Variants in LIFR observed in about 807,000 individuals in gnomAD.
The protein encoded by LIFR is LIF receptor subunit alpha.
A neutral mutation model predicts 122.2 loss-of-function variants in LIFR; 84 were observed. The observed-to-expected ratio is 0.69, with a 90% CI of 0.58 to 0.82. The LOEUF is 0.82. Ranked by LOEUF, LIFR falls within the 40% of genes least tolerant of loss-of-function variation. The pLI is 0.00. For synonymous variants in LIFR, 422 were observed against 434.7 expected (o/e 0.97, Z 0.36); for missense variants, 1,294 against 1,311.6 (o/e 0.99, Z 0.21).
chr5:38,520,443 G>A (rs936942917), intron 5 of LIFR, among the ~76,000 whole-genome samples: 1 of 152,160 alleles, frequency 6.6e-6, no homozygotes, highest in Non-Finnish European at 1.5e-5. Flanking sequence ...CCACTGTTGT[G>A]CAGAAGCTTT....
At position 38,555,691 on chromosome 5, in the gene LIFR, T is replaced by C. The variant is rs74349709; in HGVS notation, c.-20+643A>G. 8.0e-3 allele frequency among the ~76,000 whole-genome samples: 1,131 copies of C among 140,710 alleles called. 9 individuals are homozygous for C. Among genetic ancestry groups the C allele is most frequent in the African/African-American group, 0.023 (902 of 39,426 alleles). The allele number at this position is 140,710 out of a possible 152,430, so 92.3% of individuals were successfully genotyped here. A position where few individuals can be genotyped will look rare whatever the true frequency, so the allele number is the denominator to read the frequency against. On this transcript the variant is annotated intron_variant, in intron 1 of 19. Coordinates refer to ENST00000453190, the MANE Select transcript of LIFR (RefSeq NM_001127671.2). ...ACCCAACTGCAAATAAAAGACCTCA[T>C]ATATTTTTGGTAGCGGAATGTGGGG...
Position 38,506,576 on chromosome 5 carries a change from T to A in LIFR, c.1048A>T (p.Ile350Leu). ...NCETHDLKEIICSWNPGRVTA... is the reference protein window; with the variant it reads ...NCETHDLKEILCSWNPGRVTA... ...ACCCTTCCTGGATTCCAACTACATA[T>A]AATTTCTTTTAAATCATGTGTCTCA... Residue 350 changes from isoleucine (I) to leucine (L), a missense_variant, in exon 8 of 20, where the codon ATA (isoleucine) becomes TTA (leucine). Physicochemically the swap from Ile to Leu is conservative, Grantham distance 5. Transcript: ENST00000453190. 1 of 1,613,706 alleles carries A rather than the reference T, an allele frequency of 6.2e-7. No homozygotes were observed. The highest frequency in any genetic ancestry group is 1.3e-5 in the African/African-American group (1 of 75,028).
upstream of LIFR, among the ~76,000 whole-genome samples, chr5:38,600,302 G>A (rs1002735190): frequency 2.6e-5 from 4 of 152,136 alleles, no homozygotes; most frequent in East Asian, 7.7e-4. Context: ...ATATTCTCAG[G>A]ATCTTCTGAG....
chr5:38,500,593 TG>T (rs960795098), intron 11 of LIFR, among the ~76,000 whole-genome samples: 4 of 152,252 alleles, frequency 2.6e-5, no homozygotes, highest in Non-Finnish European at 5.9e-5. Context: ...CAAAAAGTTT[TG>T]GATCTTGGAG....
At chr5:38,521,324 G>T (rs1746385287) in intron 5 of LIFR, among the ~76,000 whole-genome samples, 1 of 152,064 alleles carries the variant, frequency 6.6e-6, no homozygotes, top group Non-Finnish European at 1.5e-5. Context: ...TTTTTTGGGG[G>T]AGTCTTTACA....
chr5:38,500,916 G>C (rs1013689114), intron 11 of LIFR, among the ~76,000 whole-genome samples: 1 of 152,150 alleles, frequency 6.6e-6, no homozygotes, highest in African/African-American at 2.4e-5. Flanking sequence ...GCTCTGGGAG[G>C]AACTGGCTGC....
At chr5:38,570,082 C>T (rs976558500) in intron 1 of LIFR, among the ~76,000 whole-genome samples, 15 of 152,108 alleles carry the variant, frequency 9.9e-5, no homozygotes, top group African/African-American at 3.4e-4. Flanking sequence ...ATCTTGATTC[C>T]TCACCATTTA....
rs137920910 is a variant in LIFR at position 38,499,732 on chromosome 5, T to A, written c.1601-149A>T. 1,289 of 688,632 alleles carry A rather than the reference T, an allele frequency of 1.9e-3. 27 individuals are homozygous for A. The highest frequency in any genetic ancestry group is 0.013 in the South Asian group (779 of 58,990). The allele number at this position is 688,632 out of a possible 1,614,324, so 42.7% of individuals were successfully genotyped here. On this transcript the variant is annotated intron_variant, in intron 11 of 19. Transcript: ENST00000453190. Reference sequence around the variant, plus strand: ...TTAGAAAATGAAGCAATGGAAAATCTAAGCTCTCAACAACTTTTGCAAAAC... The same window carrying A: ...TTAGAAAATGAAGCAATGGAAAATCAAAGCTCTCAACAACTTTTGCAAAAC...
At chr5:38,547,492 T>A (rs1486104114) in intron 1 of LIFR, among the ~76,000 whole-genome samples, 2 of 152,198 alleles carry the variant, frequency 1.3e-5, no homozygotes, top group Non-Finnish European at 2.9e-5. Flanking sequence ...TTCTTTTTTT[T>A]ATTTGGCCGT....
intron 5 of LIFR, among the ~76,000 whole-genome samples, chr5:38,513,079 A>C (rs1262523240): frequency 1.3e-5 from 2 of 152,224 alleles, no homozygotes; most frequent in Non-Finnish European, 2.9e-5. Flanking sequence ...AGGCAAACAC[A>C]ATAGATTAAA....
At chr5:38,499,622 T>C (rs767393262) in intron 11 of LIFR, 39 bp from the exon 12 acceptor site, 19 of 1,346,760 alleles carry the variant, frequency 1.4e-5, no homozygotes, top group Non-Finnish European at 2.0e-5. Flanking sequence ...TGAAGACACA[T>C]ACTATATGTA....
chr5:38,600,901 C>G (rs567031774), intron 2 of LIFR, among the ~76,000 whole-genome samples: 9 of 152,104 alleles, frequency 5.9e-5, no homozygotes, highest in African/African-American at 9.7e-5. Context: ...AACAATGTGG[C>G]CAGCAGCCCT....
chr5:38,527,033 G>T, intron 4 of LIFR, 122 bp downstream of exon 4: 1 of 846,734 alleles, frequency 1.2e-6, no homozygotes, highest in Non-Finnish European at 1.8e-6. Flanking sequence ...TTCATAGGGA[G>T]GTTGCTGAGT....
intron 5 of LIFR, among the ~76,000 whole-genome samples, chr5:38,513,891 G>A (rs867544627): frequency 4.6e-5 from 7 of 151,804 alleles, no homozygotes; most frequent in Admixed American, 1.3e-4. Context: ...ATTCTAATAC[G>A]AAAGTCAATA....
At chr5:38,604,279 GAGAAAGGGGCAAGGCAGC>G (rs1750280575) in intron 2 of LIFR, among the ~76,000 whole-genome samples, 1 of 152,280 alleles carries the variant, frequency 6.6e-6, no homozygotes, top group Middle Eastern at 3.4e-3. Flanking sequence ...CTGTGGAGAG[GAGAAAGGGGCAAGGCAGC>G]AGAAAGGGGC....
At chr5:38,556,055 C>G (rs1360132642) in intron 1 of LIFR, among the ~76,000 whole-genome samples, 1 of 152,168 alleles carries the variant, frequency 6.6e-6, no homozygotes, top group African/African-American at 2.4e-5. Context: ...TTTCAAGCTC[C>G]CTCCCATCCC....
chr5:38,596,026 G>A (rs142713503), upstream of LIFR, among the ~76,000 whole-genome samples: 324 of 152,212 alleles, frequency 2.1e-3, 7 homozygotes, highest in East Asian at 0.04. Flanking sequence ...GTGAGCCACC[G>A]CGCCCGGCCC....
chr5:38,567,800 A>G (rs1297398787), intron 1 of LIFR, among the ~76,000 whole-genome samples: 1 of 152,074 alleles, frequency 6.6e-6, no homozygotes, highest in African/African-American at 2.4e-5. Context: ...AAGTGCTGGG[A>G]TTATAGGCAT....
chr5:38,540,112 A>G (rs978218326), intron 1 of LIFR, among the ~76,000 whole-genome samples: 1 of 152,200 alleles, frequency 6.6e-6, no homozygotes, highest in African/African-American at 2.4e-5. Context: ...CCTGGACTCC[A>G]GTCCCTATTC....
Sources: allele counts gnomAD v4.1 joint callset (sites outside exome capture counted in the v4.1 genomes callset), GRCh38; gene constraint gnomAD v4.1.1; transcripts MANE v1.5; gene names NCBI Gene and HGNC (gene_info 2026-07-23, HGNC 2026-07-21).